The following YTHDC1 variants were observed in gnomAD, a reference collection of about 807,000 sequenced individuals.
YTHDC1 encodes the protein YTH domain-containing protein 1.
In YTHDC1, 12 loss-of-function variants were observed where a neutral mutation model predicts 107.0. That is an observed-to-expected ratio of 0.11 (90% CI 0.07 to 0.18). The LOEUF (loss-of-function observed/expected upper bound fraction) is 0.18. YTHDC1 is among the 10% of genes least tolerant of loss of function. YTHDC1 has a pLI of 1.00. For synonymous variants in YTHDC1, 280 were observed against 289.5 expected (o/e 0.97, Z 0.33); for missense variants, 635 against 898.8 (o/e 0.71, Z 3.75).
At chr4:68,338,014 TAA>T (rs1320178437) in intron 2 of YTHDC1, 114 bp from the exon 3 acceptor site, 2 of 1,467,206 alleles carry the variant, frequency 1.4e-6, no homozygotes, top group African/African-American at 2.9e-5. Flanking sequence ...CTCATTTCTT[TAA>T]AAGTCTTCTG....
At chr4:68,339,361 C>T (rs939697081) in intron 1 of YTHDC1, among the ~76,000 whole-genome samples, 1 of 152,166 alleles carries the variant, frequency 6.6e-6, no homozygotes, top group African/African-American at 2.4e-5. Context: ...TATTTCATAT[C>T]AAAGCAGACC....
chr4:68,323,363 T>C (rs772879808), intron 10 of YTHDC1, among the ~76,000 whole-genome samples: 1 of 152,224 alleles, frequency 6.6e-6, no homozygotes, highest in Non-Finnish European at 1.5e-5. Context: ...CTCTTTAAAA[T>C]TAAATCATTT....
At chr4:68,340,565 A>C (rs1361156949) in intron 1 of YTHDC1, among the ~76,000 whole-genome samples, 1 of 152,098 alleles carries the variant, frequency 6.6e-6, no homozygotes, top group Non-Finnish European at 1.5e-5. Flanking sequence ...ATTATAAAAA[A>C]AATAGTCTGA....
At chr4:68,332,975 A>C (rs972838286) in intron 5 of YTHDC1, 128 bp from the exon 6 acceptor site, 57 of 763,556 alleles carry the variant, frequency 7.5e-5, no homozygotes, top group Non-Finnish European at 8.6e-5. Flanking sequence ...CACACACACA[A>C]AAAAAACTTC....
chr4:68,320,665 T>G (rs1055361814), intron 11 of YTHDC1, among the ~76,000 whole-genome samples: 1 of 152,174 alleles, frequency 6.6e-6, no homozygotes, highest in Non-Finnish European at 1.5e-5. Context: ...AAATGTCATT[T>G]TAGGTTAAGT....
chr4:68,339,032 G>A (rs1724530646), intron 1 of YTHDC1, among the ~76,000 whole-genome samples: 1 of 152,074 alleles, frequency 6.6e-6, no homozygotes, highest in Admixed American at 6.6e-5. Flanking sequence ...CAATAAATTA[G>A]TATACAAATA....
At chr4:68,337,938 T>G in intron 2 of YTHDC1, 38 bp from the exon 3 acceptor site, 5 of 1,574,448 alleles carry the variant, frequency 3.2e-6, no homozygotes, top group Non-Finnish European at 4.3e-6. Flanking sequence ...AAAGAAGTAT[T>G]TGTAGTATTC....
At chr4:68,318,958 C>A in intron 12 of YTHDC1, 96 bp from the exon 13 acceptor site, 1 of 1,305,590 alleles carries the variant, frequency 7.7e-7, no homozygotes, top group East Asian at 2.4e-5. Context: ...CAATTCTTTC[C>A]ATGAAATATG....
chr4:68,321,685 G>A (rs762873484), intron 11 of YTHDC1, among the ~76,000 whole-genome samples: 28 of 152,090 alleles, frequency 1.8e-4, no homozygotes, highest in Non-Finnish European at 3.5e-4. Context: ...CTACCTACTC[G>A]ACAGTGTCCT....
intron 16 of YTHDC1, among the ~76,000 whole-genome samples, chr4:68,314,852 C>T (rs180792360): frequency 6.6e-6 from 1 of 152,302 alleles, no homozygotes; most frequent in Non-Finnish European, 1.5e-5. Context: ...TGTGGCTGCT[C>T]CTAAACTTGG....
chr4:68,343,122 T>C (rs1030570607), intron 1 of YTHDC1, among the ~76,000 whole-genome samples: 2 of 152,318 alleles, frequency 1.3e-5, no homozygotes, highest in African/African-American at 4.8e-5. Flanking sequence ...CTAATTTCTA[T>C]GACATAAAGC....
At chr4:68,343,956 G>A (rs903517211) in intron 1 of YTHDC1, 1 of 152,026 alleles carries the variant, frequency 6.6e-6, no homozygotes, top group South Asian at 2.1e-4. Flanking sequence ...GATAAACTCA[G>A]CTCTTGAATG....
intron 10 of YTHDC1, among the ~76,000 whole-genome samples, chr4:68,323,817 T>C (rs1339110445): frequency 6.6e-6 from 1 of 152,126 alleles, no homozygotes; most frequent in Non-Finnish European, 1.5e-5. Context: ...AAACGGCAAT[T>C]CTAAAATGTA....
rs952996641 is a variant in YTHDC1, at chr4:68,322,802, C to T, written c.1548G>A (p.Gln516=). The change falls in exon 11 of 17, where the codon CAG becomes CAA. Residue 516 remains glutamine (Q), a synonymous_variant. Coordinates refer to ENST00000344157, the MANE Select transcript of YTHDC1 (RefSeq NM_001031732.4). The surrounding 1 kb of genome is among the most constrained non-coding windows in gnomAD (Gnocchi z 4.8). ...KMRHKRRMHS[Q]PRSRGRPSRR... is the part of the protein sequence containing the mutation. ...GGGATGGACGTCCTCGTGATCGGGG[C>T]TGAGAATGCATTCTTCTCTTGTGAC... 1 of 1,614,198 alleles carries T rather than the reference C, an allele frequency of 6.2e-7. No homozygotes were observed. Among genetic ancestry groups the T allele is most frequent in the African/African-American group, 1.3e-5 (1 of 75,052 alleles).
At position 68,316,120 on chromosome 4, in the gene YTHDC1, G is replaced by A. The variant is rs1721829527; in HGVS notation, c.1959+194C>T. ...GCAGTTTGTGATTTGATCAGTAAAA[G>A]AAATATATTCTATCTATATAATCCA... On this transcript the variant is annotated intron_variant, in intron 16 of 16. Coordinates refer to ENST00000344157, the MANE Select transcript of YTHDC1 (RefSeq NM_001031732.4). 3 of 557,812 alleles carry A rather than the reference G, an allele frequency of 5.4e-6. No homozygotes were observed. In the African/African-American group the frequency reaches 5.8e-5, roughly 11 times the overall value. The allele number at this position is 557,812 out of a possible 1,614,324, so 34.6% of individuals were successfully genotyped here. A position where few individuals can be genotyped will look rare whatever the true frequency, so the allele number is the denominator to read the frequency against.
Position 68,337,048 on chromosome 4 carries a change from C to G in YTHDC1, c.862G>C (p.Gly288Arg). Reference protein sequence around the residue: ...VSFTDGSVRSGSGTDGSDEKK... With the variant: ...VSFTDGSVRSRSGTDGSDEKK... Reference sequence around the variant, plus strand: ...GTACCTGATCCATCTGTGCCTGAACCAGATCTGACAGACCCATCTGTGAAG... The same window carrying G: ...GTACCTGATCCATCTGTGCCTGAACGAGATCTGACAGACCCATCTGTGAAG... The change falls in exon 4 of 17, where the codon GGT (glycine) becomes CGT (arginine). Residue 288 changes from glycine to arginine, a missense_variant. By Grantham distance (125) the Gly-to-Arg change is moderately radical. Around this residue, in one of 5 missense-constraint regions of YTHDC1, gnomAD observed 294 missense variants for 312.3 expected, o/e 0.94. Coordinates refer to ENST00000344157, the MANE Select transcript of YTHDC1 (RefSeq NM_001031732.4). 1 of 1,612,106 alleles carries G rather than the reference C, an allele frequency of 6.2e-7. No individual in the cohort carries two copies. The highest frequency in any genetic ancestry group is 1.1e-5 in the South Asian group (1 of 90,764).
At chr4:68,327,260 A>G (rs1489220242) in intron 9 of YTHDC1, among the ~76,000 whole-genome samples, 3 of 152,086 alleles carry the variant, frequency 2.0e-5, no homozygotes, top group African/African-American at 7.2e-5. Flanking sequence ...AGAAAAATGG[A>G]GAGACTCTAA....
chr4:68,318,032 T>G (rs1365003540), intron 15 of YTHDC1, among the ~76,000 whole-genome samples: 1 of 152,202 alleles, frequency 6.6e-6, no homozygotes, highest in African/African-American at 2.4e-5. Flanking sequence ...GCCTGTACTA[T>G]TAACACAAAT....
At chr4:68,335,783 G>C (rs965107133) in intron 4 of YTHDC1, among the ~76,000 whole-genome samples, 17 of 151,544 alleles carry the variant, frequency 1.1e-4, no homozygotes, top group Non-Finnish European at 2.4e-4. Flanking sequence ...AGGCATGATG[G>C]AAGCATAAAG....
Sources: allele counts gnomAD v4.1 joint callset (sites outside exome capture counted in the v4.1 genomes callset), GRCh38; gene constraint gnomAD v4.1.1; regional missense constraint gnomAD v4.1.1; non-coding constraint Gnocchi (gnomAD v3.1); transcripts MANE v1.5; gene names NCBI Gene and HGNC (gene_info 2026-07-23, HGNC 2026-07-21).